The following ADAP1 variants were observed in gnomAD, a reference collection of about 807,000 sequenced individuals.
ADAP1 encodes the protein arf-GAP with dual PH domain-containing protein 1.
Under a neutral mutation model 54.9 loss-of-function variants are expected in ADAP1, and 31 were observed. The ratio of observed to expected loss-of-function variants is 0.56; its 90% CI spans 0.42 to 0.76. The LOEUF is 0.76. ADAP1 is among the 30% of genes least tolerant of loss of function. ADAP1 has a pLI of 0.00. For synonymous variants in ADAP1, 313 were observed against 202.6 expected (o/e 1.55, Z -4.63); for missense variants, 535 against 512.4 (o/e 1.04, Z -0.42).
intron 4 of ADAP1, among the ~76,000 whole-genome samples, chr7:915,037 C>T: frequency 6.7e-6 from 1 of 149,608 alleles, no homozygotes. Context: ...CCGAGGCCCT[C>T]TGGCTGGCGT....
intron 1 of ADAP1, among the ~76,000 whole-genome samples, chr7:944,984 G>C (rs1847102138): frequency 6.6e-6 from 1 of 152,134 alleles, no homozygotes; most frequent in Non-Finnish European, 1.5e-5. Flanking sequence ...GCCCTTGAAG[G>C]CACTGAAATA....
intron 1 of ADAP1, among the ~76,000 whole-genome samples, chr7:948,041 G>T (rs1466359476): frequency 1.3e-5 from 2 of 151,678 alleles, no homozygotes; most frequent in African/African-American, 4.8e-5. Context: ...CTCCACTGAG[G>T]ACCCAGCACT....
intron 4 of ADAP1, chr7:905,610 GA>G (rs1562912417): frequency 1.9e-5 from 2 of 102,944 alleles, no homozygotes; most frequent in Non-Finnish European, 3.3e-5. Context: ...GGAGAAAGGA[GA>G]AAGGAGAAAG....
chr7:910,837 C>T (rs1339617862), intron 4 of ADAP1, among the ~76,000 whole-genome samples: 4 of 152,142 alleles, frequency 2.6e-5, no homozygotes, highest in Admixed American at 6.5e-5. Context: ...CACTGCACCC[C>T]GGCCGTCCCT....
rs562252760 is a variant in ADAP1 at position 951,360 on chromosome 7, G to C, written c.82+3036C>G. Among the ~76,000 whole-genome samples the C allele has an allele frequency of 1.1e-4, 16 of 149,428 alleles. 1 individual carries two copies. The South Asian group carries it at 3.2e-3, about 30-fold the overall frequency. On this transcript the variant is annotated intron_variant, in intron 1 of 10. Coordinates refer to ENST00000265846, the MANE Select transcript of ADAP1 (RefSeq NM_006869.4). ...TGCAGTCCAGCCTGGGCGACAGAGC[G>C]AGACTCCGTCTCAAAAAAAAAAAAA...
At chr7:918,781 G>GAA (rs35793953) in intron 4 of ADAP1, among the ~76,000 whole-genome samples, 1 of 152,012 alleles carries the variant, frequency 6.6e-6, no homozygotes, top group African/African-American at 2.4e-5. Flanking sequence ...CTGCCCTGGG[G>GAA]AAAAAACCAC....
intron 4 of ADAP1, among the ~76,000 whole-genome samples, chr7:914,212 G>T (rs901957004): frequency 3.3e-5 from 5 of 152,118 alleles, no homozygotes; most frequent in African/African-American, 4.8e-5. Flanking sequence ...GTGCAGAGCG[G>T]GAGCCACCTG....
At chr7:923,763 T>G (rs7805348) in intron 3 of ADAP1, among the ~76,000 whole-genome samples, 117,464 of 152,126 alleles carry the variant, frequency 0.77, 46,366 homozygotes, top group East Asian at 0.94. Flanking sequence ...CCCGCCACTC[T>G]TAGCTCCTGC....
chr7:905,809 A>AGGG (rs1268164834), intron 4 of ADAP1, among the ~76,000 whole-genome samples: 15 of 98,430 alleles, frequency 1.5e-4, no homozygotes, highest in African/African-American at 4.7e-4. Flanking sequence ...AGAAAGGAGA[A>AGGG]AGGAGAAGGG....
intron 6 of ADAP1, 103 bp from the exon 7 acceptor site, chr7:900,719 C>G: frequency 1.3e-6 from 1 of 789,996 alleles, no homozygotes; most frequent in East Asian, 4.4e-5. Context: ...CCCCCAGAGC[C>G]CAGCCCCTTC....
intron 4 of ADAP1, 193 bp from the exon 5 acceptor site, chr7:905,365 GGAAAGGGAAAGGAGAAAGGA>G (rs749039939): frequency 0.02 from 2,609 of 131,564 alleles, 662 homozygotes; most frequent in Admixed American, 0.098. Flanking sequence ...GCAGGGAAAG[GGAAAGGGAAAGGAGAAAGGA>G]GAAAGGAGAA....
At chr7:916,887 G>A (rs557120041) in intron 4 of ADAP1, among the ~76,000 whole-genome samples, 10 of 152,244 alleles carry the variant, frequency 6.6e-5, no homozygotes, top group East Asian at 1.9e-4. Context: ...CTCACCCCAC[G>A]CCGCTCCTGG....
chr7:902,475 A>AAATGCCTGGGCGTGGTGGT (rs1491159593), intron 6 of ADAP1, among the ~76,000 whole-genome samples: 329 of 142,140 alleles, frequency 2.3e-3, no homozygotes, highest in East Asian at 3.5e-3. Flanking sequence ...AAAAAAAGAA[A>AAATGCCTGGGCGTGGTGGT]GAAAAGAAAG....
intron 1 of ADAP1, among the ~76,000 whole-genome samples, chr7:936,145 A>G (rs1241403892): frequency 6.6e-6 from 1 of 152,178 alleles, no homozygotes. Flanking sequence ...TTTGCCTTAA[A>G]AGGTCCAACA....
At chr7:901,604 T>C (rs575725663) in intron 6 of ADAP1, among the ~76,000 whole-genome samples, 110 of 152,242 alleles carry the variant, frequency 7.2e-4, no homozygotes, top group African/African-American at 2.6e-3. Context: ...GGGATTGCCC[T>C]GTCCTCTTCC....
chr7:903,727 G>A lies in ADAP1; in HGVS notation c.648+399C>T, dbSNP rs538222455. ...CCAAACCACCCCAGAGCCGGCTACC[G>A]TCCACATCTCCTCCCCGTAGGACCC... On this transcript the variant is annotated intron_variant, in intron 6 of 10. Coordinates refer to ENST00000265846, the MANE Select transcript of ADAP1 (RefSeq NM_006869.4). Among the ~76,000 whole-genome samples, 67 of 152,132 alleles carry A rather than the reference G, an allele frequency of 4.4e-4. 2 individuals are homozygous for A. Among genetic ancestry groups the A allele is most frequent in the African/African-American group, 8.9e-4 (37 of 41,526 alleles).
At chr7:951,744 C>T (rs1847276744) in intron 1 of ADAP1, among the ~76,000 whole-genome samples, 1 of 152,152 alleles carries the variant, frequency 6.6e-6, no homozygotes, top group South Asian at 2.1e-4. Context: ...TAAAAAAGAA[C>T]AAAAGAGCTC....
intron 6 of ADAP1, chr7:900,914 G>A (rs867425618): frequency 7.6e-5 from 44 of 578,210 alleles, no homozygotes; most frequent in South Asian, 1.4e-4. Flanking sequence ...GGACAGGGTC[G>A]GGGGCTGCCA....
At chr7:917,391 GCACTGGGGGTCAGGGGCTTCTCCA>G (rs1845980498) in intron 4 of ADAP1, among the ~76,000 whole-genome samples, 1 of 152,124 alleles carries the variant, frequency 6.6e-6, no homozygotes, top group Admixed American at 6.5e-5. Context: ...AGGGGTTGGA[GCACTGGGGGTCAGGGGCTTCTCCA>G]CTGAACCCAC....
Sources: gnomAD v4.1 joint callset for allele counts (sites outside exome capture counted in the v4.1 genomes callset) on GRCh38, gnomAD v4.1.1 for gene constraint, MANE v1.5 for transcripts, NCBI Gene and HGNC (gene_info 2026-07-23, HGNC 2026-07-21) for gene names.